Variants in DSCAM observed in about 807,000 individuals in gnomAD.
DSCAM encodes the protein cell adhesion molecule DSCAM.
In DSCAM, 47 loss-of-function variants were observed where a neutral mutation model predicts 217.7. The ratio of observed to expected loss-of-function variants is 0.22; its 90% confidence interval spans 0.17 to 0.28. DSCAM has a LOEUF of 0.28. Among genes scored for constraint, DSCAM ranks in the 10% least tolerant of loss-of-function variants. The pLI is 1.00. For synonymous variants in DSCAM, 1,056 were observed against 1,015.3 expected (o/e 1.04, Z -0.76); for missense variants, 2,080 against 2,618.3 (o/e 0.79, Z 4.49).
chr21:40,045,421 G>A (rs1351254430), intron 30 of DSCAM, among the ~76,000 whole-genome samples: 1 of 152,176 alleles, frequency 6.6e-6, no homozygotes, highest in African/African-American at 2.4e-5. Flanking sequence ...GGTGCCAGAT[G>A]GGTTTCATTT....
intron 3 of DSCAM, among the ~76,000 whole-genome samples, chr21:40,666,530 T>G (rs868754411): frequency 2.6e-5 from 4 of 152,222 alleles, no homozygotes; most frequent in African/African-American, 9.6e-5. Flanking sequence ...CACCTGTTCT[T>G]CCTCACCTTG....
chr21:40,556,249 A>G (rs1012332196), intron 3 of DSCAM, among the ~76,000 whole-genome samples: 1 of 152,210 alleles, frequency 6.6e-6, no homozygotes, highest in African/African-American at 2.4e-5. Flanking sequence ...AGTTAAAAAT[A>G]TATGTATAAA....
In DSCAM at chr21:40,358,371, T is replaced by C. The variant is rs557324716; in HGVS notation, c.656-4628A>G. ...ACAAAAATTAACTCAAAATGGATTA[T>C]GGCCTAAATATAACAGCTAAAACTA... is the stretch of plus-strand genomic sequence containing the variant. On this transcript the variant is annotated intron_variant, in intron 4 of 32. Transcript: ENST00000400454. 3.9e-5 allele frequency among the ~76,000 whole-genome samples: 6 copies of C among 152,320 alleles called. No homozygotes were observed. The East Asian group carries it at 9.6e-4, about 24-fold the overall frequency.
At chr21:40,370,255 TAAA>T (rs77285211) in intron 3 of DSCAM, among the ~76,000 whole-genome samples, 1 of 142,778 alleles carries the variant, frequency 7.0e-6, no homozygotes, top group Admixed American at 6.9e-5. Context: ...TCTTTTACTT[TAAA>T]AAAAAAAAAA....
chr21:40,091,932 C>A (rs2089615892), intron 21 of DSCAM, among the ~76,000 whole-genome samples: 1 of 152,112 alleles, frequency 6.6e-6, no homozygotes, highest in Non-Finnish European at 1.5e-5. Flanking sequence ...ATTATGGGAG[C>A]TACAATCCAA....
At chr21:40,656,543 T>C (rs1026373930) in intron 3 of DSCAM, among the ~76,000 whole-genome samples, 1 of 151,908 alleles carries the variant, frequency 6.6e-6, no homozygotes, top group African/African-American at 2.4e-5. Flanking sequence ...AAAAGTTCTG[T>C]CTGCACAAGT....
intron 11 of DSCAM, among the ~76,000 whole-genome samples, chr21:40,191,527 G>A (rs1356319394): frequency 6.6e-6 from 1 of 152,024 alleles, no homozygotes; most frequent in Non-Finnish European, 1.5e-5. Context: ...TTTATTAATA[G>A]CTTTATTGTG....
chr21:40,804,379 C>G (rs2091768324), intron 1 of DSCAM, among the ~76,000 whole-genome samples: 1 of 152,172 alleles, frequency 6.6e-6, no homozygotes. Flanking sequence ...GATGATTATC[C>G]TGTTCCTCCT....
chr21:40,496,242 G>A (rs531153957), intron 3 of DSCAM, among the ~76,000 whole-genome samples: 5 of 152,196 alleles, frequency 3.3e-5, no homozygotes, highest in Admixed American at 2.6e-4. Flanking sequence ...GAACAAGTTG[G>A]AAGCATCACA....
At chr21:40,778,060 A>G (rs1235042592) in intron 1 of DSCAM, among the ~76,000 whole-genome samples, 1 of 152,228 alleles carries the variant, frequency 6.6e-6, no homozygotes, top group African/African-American at 2.4e-5. Flanking sequence ...CTCTTTTATG[A>G]AAAAGATAAA....
chr21:40,244,928 G>A (rs569060533), intron 11 of DSCAM, among the ~76,000 whole-genome samples: 11 of 151,396 alleles, frequency 7.3e-5, no homozygotes, highest in Admixed American at 2.0e-4. Flanking sequence ...GCTCATTTCC[G>A]CCGACTGCCA....
chr21:40,453,040 T>TTCTGTGTG, intron 3 of DSCAM, among the ~76,000 whole-genome samples: 1 of 134,328 alleles, frequency 7.4e-6, no homozygotes, highest in East Asian at 2.4e-4. Context: ...TTTAAAGACT[T>TTCTGTGTG]TGTGTGTGTG....
chr21:40,827,114 G>C (rs77335012), intron 1 of DSCAM, among the ~76,000 whole-genome samples: 1 of 152,104 alleles, frequency 6.6e-6, no homozygotes, highest in African/African-American at 2.4e-5. Flanking sequence ...CTGAGAAGGA[G>C]AAGCCAGTGA....
At chr21:40,401,843 C>A (rs1036520268) in intron 3 of DSCAM, among the ~76,000 whole-genome samples, 1 of 152,006 alleles carries the variant, frequency 6.6e-6, no homozygotes, top group African/African-American at 2.4e-5. Flanking sequence ...GACCTGGAGA[C>A]CTGCCATGGG....
rs1452290469 is a variant in DSCAM, at chr21:40,342,646, A to ATTT, written c.1211-3232_1211-3231insAAA. 2.1e-3 allele frequency among the ~76,000 whole-genome samples: 173 copies of ATTT among 83,590 alleles called. 3 individuals carry two copies. The highest frequency in any genetic ancestry group is 7.1e-3 in the Middle Eastern group (1 of 140). 54.8% of individuals were successfully genotyped at this position (83,590 alleles called of 152,430 possible). ...TGTGTGTATATATATATATATATAT[A>ATTT]TATTTTTTTTTTTTTTTTGAGACAG... On this transcript the variant is annotated intron_variant, in intron 6 of 32. Coordinates refer to ENST00000400454, the MANE Select transcript of DSCAM (RefSeq NM_001389.5).
intron 11 of DSCAM, among the ~76,000 whole-genome samples, chr21:40,258,243 G>T (rs115338855): frequency 8.3e-4 from 126 of 152,144 alleles, no homozygotes; most frequent in African/African-American, 3.0e-3. Context: ...TCTATGTCTG[G>T]CATCAGCTCT....
intron 4 of DSCAM, among the ~76,000 whole-genome samples, 182 bp downstream of exon 4, chr21:40,368,917 C>CT (rs2074863354): frequency 6.6e-6 from 1 of 152,152 alleles, no homozygotes; most frequent in African/African-American, 2.4e-5. Context: ...AATGTGAAAT[C>CT]TGTATTTCTA....
chr21:40,079,229 TC>T (rs549897057), intron 25 of DSCAM, among the ~76,000 whole-genome samples: 2 of 152,152 alleles, frequency 1.3e-5, no homozygotes, highest in South Asian at 4.1e-4. Flanking sequence ...ATCTTAGAGT[TC>T]CCTAAAGAAC....
intron 10 of DSCAM, among the ~76,000 whole-genome samples, chr21:40,293,475 G>A (rs962082553): frequency 2.0e-5 from 3 of 152,108 alleles, no homozygotes; most frequent in Non-Finnish European, 2.9e-5. Context: ...CTGAGCTGTC[G>A]ACATCCAGAG....
Sources: allele counts gnomAD v4.1 joint callset (sites outside exome capture counted in the v4.1 genomes callset), GRCh38; gene constraint gnomAD v4.1.1; transcripts MANE v1.5; gene names NCBI Gene and HGNC (gene_info 2026-07-23, HGNC 2026-07-21).